The following IZUMO2 variants were observed in gnomAD, a reference collection of about 807,000 sequenced individuals.
IZUMO2 encodes izumo sperm-egg fusion protein 2.
Under a neutral mutation model 31.2 loss-of-function variants are expected in IZUMO2, and 24 were observed. The observed-to-expected ratio is 0.77, with a 90% CI of 0.56 to 1.08. The LOEUF is 1.08. IZUMO2 is among the 50% of genes least tolerant of loss of function. The probability of loss-of-function intolerance (pLI) is 0.00; values close to 1 mark genes in which losing one functional copy is unlikely to be tolerated. For synonymous variants in IZUMO2, 144 were observed against 117.3 expected (o/e 1.23, Z -1.47); for missense variants, 278 against 274.0 (o/e 1.01, Z -0.10).
rs1340756264 is a variant in IZUMO2 at position 50,163,089 on chromosome 19, G to T, written c.106C>A (p.Arg36Ser). The T allele has an allele frequency of 6.2e-7, 1 of 1,612,508 alleles. No individual in the cohort carries two copies. The highest frequency in any genetic ancestry group is 1.3e-5 in the African/African-American group (1 of 74,908). Residue 36 changes from arginine to serine, a missense_variant, in exon 1 of 7, where the codon CGC (arginine) becomes AGC (serine). Transcript: ENST00000293405. ...PLVLEALGHL[R>S]SALIPSRFQL... ...AAGCGACTGGGGATGAGGGCGGAGC[G>T]CAGGTGACCCAGGGCCTCCAGCACC...
rs1408555048 is a variant in IZUMO2 at position 50,158,341 on chromosome 19, T to C, written c.423A>G (p.Leu141=). Residue 141 remains leucine (L), a synonymous_variant, in exon 5 of 7, where the codon CTA becomes CTG. Transcript: ENST00000293405. The stretch of plus-strand genomic sequence containing the variant: ...GTAAACAGTCCAACACCTCTTCTTT[T>C]AGCAAGCCTAGGCAAGGGGAAAGGG... ...KACNPKLCRL[L]KEEVLDCLHC... is the part of the protein sequence containing the mutation. 1.2e-6 allele frequency: 2 copies of C among 1,608,258 alleles called. No homozygotes were observed. Among genetic ancestry groups the C allele is most frequent in the South Asian group, 1.1e-5 (1 of 90,520 alleles).
At chr19:50,153,334 G>C (rs1158477353) in intron 6 of IZUMO2, among the ~76,000 whole-genome samples, 3 of 152,136 alleles carry the variant, frequency 2.0e-5, no homozygotes, top group Non-Finnish European at 4.4e-5. Context: ...AGAACCCAGA[G>C]AATACATTTC....
At chr19:50,155,114 G>A (rs191739604) in intron 5 of IZUMO2, among the ~76,000 whole-genome samples, 18 of 152,214 alleles carry the variant, frequency 1.2e-4, no homozygotes, top group African/African-American at 2.4e-4. Context: ...CAAAAGATAC[G>A]ATACAATGGT....
Position 50,158,285 on chromosome 19 carries a change from T to G in IZUMO2, c.479A>C (p.His160Pro). 6.2e-7 allele frequency: 1 copy of G among 1,610,210 alleles called. No individual in the cohort carries two copies. Among genetic ancestry groups the G allele is most frequent in the East Asian group, 2.2e-5 (1 of 44,572 alleles). The change falls in exon 5 of 7, where the codon CAC becomes CCC. Residue 160 changes from histidine (H) to proline (P), a missense_variant. Coordinates refer to ENST00000293405, the MANE Select transcript of IZUMO2 (RefSeq NM_152358.3). Reference sequence around the variant, plus strand: ...AAGCTTACCAAAGCAGTACTTTTTGTGGATACACTTGGGAGTGATCCTCTG... The same window carrying G: ...AAGCTTACCAAAGCAGTACTTTTTGGGGATACACTTGGGAGTGATCCTCTG... The part of the protein sequence containing the change: ...HCQRITPKCI[H>P]KKYCFVDRQP...
chr19:50,158,576 G>T (rs1006477858), intron 4 of IZUMO2, among the ~76,000 whole-genome samples: 8 of 152,204 alleles, frequency 5.3e-5, no homozygotes, highest in African/African-American at 1.7e-4. Flanking sequence ...TCAGCATTCT[G>T]CTTGTGGACA....
chr19:50,154,069 G>A (rs2030121067), intron 6 of IZUMO2, among the ~76,000 whole-genome samples: 1 of 149,304 alleles, frequency 6.7e-6, no homozygotes, highest in African/African-American at 2.5e-5. Context: ...AGGGGGAGAG[G>A]AAGGTGAGGG....
chr19:50,153,410 G>A (rs1177336903), intron 6 of IZUMO2, among the ~76,000 whole-genome samples: 1 of 152,184 alleles, frequency 6.6e-6, no homozygotes, highest in Non-Finnish European at 1.5e-5. Flanking sequence ...TACACAGGGA[G>A]ACAGAGAAAT....
chr19:50,155,967 TG>T (rs758667618), intron 5 of IZUMO2, among the ~76,000 whole-genome samples: 8 of 152,212 alleles, frequency 5.3e-5, no homozygotes, highest in African/African-American at 9.6e-5. Flanking sequence ...TTGCATGTGC[TG>T]TTCCCTCTGT....
intron 6 of IZUMO2, 23 bp from the exon 7 acceptor site, chr19:50,152,674 T>C (rs1284795281): frequency 6.3e-7 from 1 of 1,596,996 alleles, no homozygotes; most frequent in East Asian, 2.2e-5. Context: ...AAAAAGCCTG[T>C]AGATTAGAAT....
chr19:50,163,242 C>T lies in IZUMO2; in HGVS notation c.-48G>A. On this transcript the variant is annotated 5_prime_UTR_variant, in exon 1 of 7. Coordinates refer to ENST00000293405, the MANE Select transcript of IZUMO2 (RefSeq NM_152358.3). Reference sequence around the variant, plus strand: ...AGAGAGAACCCGGCCCGCCCCGCCTCCCAGGCGAGGGCGCGGTCAGGAGGC... The same window carrying T: ...AGAGAGAACCCGGCCCGCCCCGCCTTCCAGGCGAGGGCGCGGTCAGGAGGC... 1 of 1,445,966 alleles carries T rather than the reference C, an allele frequency of 6.9e-7. No individual in the cohort carries two copies. The highest frequency in any genetic ancestry group is 9.4e-7 in the Non-Finnish European group (1 of 1,062,466). 89.6% of individuals were successfully genotyped at this position (1,445,966 alleles called of 1,614,324 possible). A position where few individuals can be genotyped will look rare whatever the true frequency, so the allele number is the denominator to read the frequency against.
In IZUMO2 at chr19:50,158,318, A is replaced by C; in HGVS notation, c.446T>G (p.Leu149Ter). The C allele has an allele frequency of 6.2e-7, 1 of 1,612,212 alleles. No homozygotes were observed. The highest frequency in any genetic ancestry group is 8.5e-7 in the Non-Finnish European group (1 of 1,178,880). The change falls in exon 5 of 7, where the codon TTA becomes TGA. Residue 149 changes from leucine (L) to a stop codon, truncating the protein, a stop_gained. Transcript: ENST00000293405. LOFTEE classifies it high-confidence loss of function. ...CTTGGGAGTGATCCTCTGGCAATGT[A>C]AACAGTCCAACACCTCTTCTTTTAG... Reference protein sequence around the residue: ...RLLKEEVLDCLHCQRITPKCI... With the variant: ...RLLKEEVLDC
In IZUMO2 at chr19:50,159,770, G is replaced by A. The variant is rs530110966; in HGVS notation, c.308-190C>T. Among the ~76,000 whole-genome samples, 19 of 152,218 alleles carry A rather than the reference G, an allele frequency of 1.2e-4. No homozygotes were observed. In the South Asian group the frequency reaches 2.5e-3, roughly 20 times the overall value. ...TCCTGCATCTATATTCTGATTCACC[G>A]TGGGGCCTAGGCAAAGCCACCCTTC... On this transcript the variant is annotated intron_variant, in intron 2 of 6. Transcript: ENST00000293405.
At chr19:50,155,994 C>T (rs1198418681) in intron 5 of IZUMO2, among the ~76,000 whole-genome samples, 1 of 152,134 alleles carries the variant, frequency 6.6e-6, no homozygotes, top group East Asian at 1.9e-4. Context: ...ACACTGTTCC[C>T]ATCACTCACT....
Position 50,158,265 on chromosome 19 carries a change from T to C in IZUMO2, c.496+3A>G. On this transcript the variant is annotated splice_donor_region_variant and intron_variant, in intron 5 of 6. Transcript: ENST00000293405. ...ATGTCTTCCCCCACCCCCAGAAGCTTACCAAAGCAGTACTTTTTGTGGATA... is the reference window on the plus strand; with the variant it reads ...ATGTCTTCCCCCACCCCCAGAAGCTCACCAAAGCAGTACTTTTTGTGGATA... 6.3e-7 allele frequency: 1 copy of C among 1,599,620 alleles called. No homozygotes were observed. Among genetic ancestry groups the C allele is most frequent in the Non-Finnish European group, 8.6e-7 (1 of 1,168,384 alleles).
intron 5 of IZUMO2, among the ~76,000 whole-genome samples, chr19:50,155,873 C>G (rs2030197667): frequency 6.6e-6 from 1 of 152,212 alleles, no homozygotes; most frequent in African/African-American, 2.4e-5. Flanking sequence ...GGCCATTGTT[C>G]TAGCCACCCT....
rs752096007 is a variant in IZUMO2, at chr19:50,158,265, T to A, written c.496+3A>T. ...ATGTCTTCCCCCACCCCCAGAAGCT[T>A]ACCAAAGCAGTACTTTTTGTGGATA... On this transcript the variant is annotated splice_donor_region_variant and intron_variant, in intron 5 of 6. Transcript: ENST00000293405. 6.3e-7 allele frequency: 1 copy of A among 1,599,620 alleles called. No individual in the cohort carries two copies. Among genetic ancestry groups the A allele is most frequent in the Non-Finnish European group, 8.6e-7 (1 of 1,168,384 alleles).
At position 50,162,809 on chromosome 19, in the gene IZUMO2, T is replaced by C. The variant is rs2030445718; in HGVS notation, c.237A>G (p.Thr79=). The C allele has an allele frequency of 6.2e-7, 1 of 1,613,600 alleles. No homozygotes were observed. The highest frequency in any genetic ancestry group is 1.3e-5 in the African/African-American group (1 of 74,904). ...ALNVFVGKVE[T]NQLDLVASFV... The stretch of plus-strand genomic sequence containing the variant: ...AGGACGCCACAAGGTCCAGTTGATT[T>C]GTCTCTGGGGGGAGAAGGGAGAGGA... The change falls in exon 2 of 7, where the codon ACA becomes ACG. Residue 79 remains threonine, a synonymous_variant. Transcript: ENST00000293405.
At chr19:50,158,181 A>G in intron 5 of IZUMO2, 87 bp downstream of exon 5, 2 of 754,342 alleles carry the variant, frequency 2.7e-6, no homozygotes, top group Non-Finnish European at 4.4e-6. Context: ...TGCATGTGGG[A>G]GCCTCGAAAC....
chr19:50,159,682 TA>T (rs2030332474), intron 2 of IZUMO2, 102 bp from the exon 3 acceptor site: 2 of 724,710 alleles, frequency 2.8e-6, no homozygotes, highest in Admixed American at 4.7e-5. Context: ...CCTCTTCATT[TA>T]TAAAGGGTAA....
Sources: allele counts gnomAD v4.1 joint callset (sites outside exome capture counted in the v4.1 genomes callset), GRCh38; gene constraint gnomAD v4.1.1; transcripts MANE v1.5; gene names NCBI Gene and HGNC (gene_info 2026-07-23, HGNC 2026-07-21).